Variants in GABRA3 observed in about 807,000 individuals in gnomAD.
GABRA3 encodes gamma-aminobutyric acid receptor subunit alpha-3.
In GABRA3, 10 loss-of-function variants were observed where a neutral mutation model predicts 30.1. That is an observed-to-expected ratio of 0.33 (90% CI 0.20 to 0.56). The LOEUF (loss-of-function observed/expected upper bound fraction) is 0.56, where lower values mean the gene tolerates loss of function less well. Ranked by LOEUF, GABRA3 falls within the 20% of genes least tolerant of loss-of-function variation. GABRA3 has a pLI of 0.89. For synonymous variants in GABRA3, 151 were observed against 146.8 expected (o/e 1.03, Z -0.21); for missense variants, 233 against 392.0 (o/e 0.59, Z 3.42).
At chrX:152,219,531 T>C (rs367719610) in intron 6 of GABRA3, among the ~76,000 whole-genome samples, 1 of 111,510 alleles carries the variant, frequency 9.0e-6, no homozygotes, top group East Asian at 2.8e-4. Flanking sequence ...ACAATAGACA[T>C]AGAGACTTTA....
intron 5 of GABRA3, among the ~76,000 whole-genome samples, chrX:152,226,593 G>A (rs1228321959): frequency 1.8e-5 from 2 of 111,283 alleles, no homozygotes; most frequent in African/African-American, 6.5e-5. Flanking sequence ...GAGTGAACAG[G>A]CAACCTACAA....
chrX:152,364,682 AAG>A (rs1928606475), intron 1 of GABRA3, 86 bp from the exon 2 acceptor site: 3 of 689,318 alleles, frequency 4.4e-6, no homozygotes, highest in Middle Eastern at 5.1e-4. Context: ...AAAAGAGAGA[AAG>A]AGATGTTATT....
chrX:152,376,699 GT>G (rs751408881), intron 1 of GABRA3, among the ~76,000 whole-genome samples: 17 of 111,368 alleles, frequency 1.5e-4, no homozygotes, highest in Admixed American at 3.8e-4. Context: ...ATTTATAATT[GT>G]TTACTCCAGC....
At chrX:152,362,766 C>A (rs1325480531) in intron 2 of GABRA3, among the ~76,000 whole-genome samples, 3 of 111,475 alleles carry the variant, frequency 2.7e-5, no homozygotes, top group Non-Finnish European at 5.7e-5. Context: ...TTGATTCAAT[C>A]TGGAGAGTAA....
chrX:152,358,179 C>A (rs1940580410), intron 2 of GABRA3, among the ~76,000 whole-genome samples: 1 of 111,625 alleles, frequency 9.0e-6, no homozygotes, highest in Non-Finnish European at 1.9e-5. Flanking sequence ...TTCTTCCTAT[C>A]CATGTGCATG....
rs1013927510 is a variant in GABRA3, at chrX:152,240,249, T to C, written c.552-15404A>G. Reference sequence around the variant, plus strand: ...TGAAGTATTTTATTTCTCCTTCACTTATGAAGCTTAGTTTGGCTGGATATG... The same window carrying C: ...TGAAGTATTTTATTTCTCCTTCACTCATGAAGCTTAGTTTGGCTGGATATG... On this transcript the variant is annotated intron_variant, in intron 5 of 9. Coordinates refer to ENST00000370314, the MANE Select transcript of GABRA3 (RefSeq NM_000808.4). 4.8e-5 allele frequency among the ~76,000 whole-genome samples: 5 copies of C among 104,812 alleles called. No individual in the cohort carries two copies. The Admixed American group carries it at 5.1e-4, about 11-fold the overall frequency. 91.0% of individuals were successfully genotyped at this position (104,812 alleles called of 115,157 possible). A position where few individuals can be genotyped will look rare whatever the true frequency, so the allele number is the denominator to read the frequency against.
intron 1 of GABRA3, among the ~76,000 whole-genome samples, chrX:152,401,594 C>A (rs1415594902): frequency 9.0e-6 from 1 of 111,359 alleles, no homozygotes; most frequent in African/African-American, 3.3e-5. Context: ...ACCTCTGACT[C>A]TTGGTCAAAT....
At chrX:152,239,270 G>A (rs1463135847) in intron 5 of GABRA3, among the ~76,000 whole-genome samples, 1 of 105,551 alleles carries the variant, frequency 9.5e-6, no homozygotes, top group African/African-American at 3.5e-5. Context: ...TCATTCAGGA[G>A]CAGGTTGTTC....
rs751592596 is a variant in GABRA3, at chrX:152,272,931, C to T, written c.330+11737G>A. Among the ~76,000 whole-genome samples, 6 of 111,250 alleles carry T rather than the reference C, an allele frequency of 5.4e-5. No individual in the cohort carries two copies. The East Asian group carries it at 1.7e-3, about 31-fold the overall frequency. On this transcript the variant is annotated intron_variant, in intron 4 of 9. Transcript: ENST00000370314. ...TTTGATTTAAGTTTCCTGAGGCTTC[C>T]CCAGTCATGCGGAACTGTGAGTCAA...
chrX:152,386,860 T>C (rs1245818998), intron 1 of GABRA3, among the ~76,000 whole-genome samples: 2 of 108,728 alleles, frequency 1.8e-5, no homozygotes, highest in Non-Finnish European at 3.8e-5. Context: ...ATGTTTATTG[T>C]GGCACTATTT....
chrX:152,254,886 G>C (rs2124413392), intron 5 of GABRA3, among the ~76,000 whole-genome samples: 1 of 111,822 alleles, frequency 8.9e-6, no homozygotes, highest in African/African-American at 3.2e-5. Context: ...GATATCGGAG[G>C]AACAAGCAAA....
intron 4 of GABRA3, among the ~76,000 whole-genome samples, chrX:152,274,293 GAAC>G (rs1185371372): frequency 2.7e-5 from 3 of 110,823 alleles, no homozygotes; most frequent in African/African-American, 9.8e-5. Context: ...TAAAAAATTA[GAAC>G]AACCCAGTTG....
chrX:152,432,827 A>G (rs1472085816), intron 1 of GABRA3, among the ~76,000 whole-genome samples: 1 of 111,342 alleles, frequency 9.0e-6, no homozygotes, highest in Non-Finnish European at 1.9e-5. Flanking sequence ...CAACCTAAGA[A>G]CCTAGATACA....
At chrX:152,354,648 C>A (rs960752563) in intron 2 of GABRA3, among the ~76,000 whole-genome samples, 9 of 111,496 alleles carry the variant, frequency 8.1e-5, no homozygotes, top group Non-Finnish European at 1.3e-4. Flanking sequence ...GGCCCTATAA[C>A]TAGGAGGTGT....
At chrX:152,357,486 T>C (rs986163513) in intron 2 of GABRA3, among the ~76,000 whole-genome samples, 1 of 111,800 alleles carries the variant, frequency 8.9e-6, no homozygotes, top group Non-Finnish European at 1.9e-5. Context: ...GTTTTTTGCT[T>C]GTGAATTTGT....
intron 4 of GABRA3, among the ~76,000 whole-genome samples, chrX:152,270,166 T>A (rs1010192560): frequency 2.7e-5 from 3 of 111,718 alleles, no homozygotes; most frequent in African/African-American, 9.8e-5. Context: ...CCATGTGTCG[T>A]GGGAGGTAAT....
At chrX:152,244,386 G>C (rs899673906) in intron 5 of GABRA3, among the ~76,000 whole-genome samples, 1 of 111,893 alleles carries the variant, frequency 8.9e-6, no homozygotes, top group Non-Finnish European at 1.9e-5. Context: ...ATTAGGTCAG[G>C]AGGGCTCTGT....
chrX:152,249,767 A>T (rs1392133896), intron 5 of GABRA3, among the ~76,000 whole-genome samples: 2 of 108,419 alleles, frequency 1.8e-5, no homozygotes, highest in Non-Finnish European at 3.8e-5. Flanking sequence ...TTCTCCTCTC[A>T]CTCTTCAAGC....
Position 152,359,356 on chromosome X carries a change from T to G in GABRA3, c.140+5075A>C, listed in dbSNP as rs777777244. On this transcript the variant is annotated intron_variant, in intron 2 of 9. Coordinates refer to ENST00000370314, the MANE Select transcript of GABRA3 (RefSeq NM_000808.4). ...TAGTTTGTATGCATAGAGATGTTCA[T>G]AGTAGTCTCTGAGGGTTTTCTGTAT... is the stretch of plus-strand genomic sequence containing the variant. Among the ~76,000 whole-genome samples, 67 of 111,215 alleles carry G rather than the reference T, an allele frequency of 6.0e-4. 1 individual carries two copies. Among genetic ancestry groups the G allele is most frequent in the Non-Finnish European group, 3.6e-4 (19 of 52,993 alleles).
Sources: gnomAD v4.1 joint callset for allele counts (sites outside exome capture counted in the v4.1 genomes callset) on GRCh38, gnomAD v4.1.1 for gene constraint, MANE v1.5 for transcripts, NCBI Gene and HGNC (gene_info 2026-07-23, HGNC 2026-07-21) for gene names.